Variants in FCHSD2 observed in about 807,000 individuals in gnomAD.
The protein encoded by FCHSD2 is F-BAR and double SH3 domains protein 2.
A neutral mutation model predicts 108.1 loss-of-function variants in FCHSD2; 38 were observed. That is an observed-to-expected ratio of 0.35 (90% CI 0.27 to 0.46). The LOEUF (loss-of-function observed/expected upper bound fraction) is 0.46, where lower values mean the gene tolerates loss of function less well. Among genes scored for constraint, FCHSD2 ranks in the 20% least tolerant of loss-of-function variants. FCHSD2 has a pLI of 1.00. For synonymous variants in FCHSD2, 279 were observed against 314.7 expected (o/e 0.89, Z 1.20); for missense variants, 751 against 897.8 (o/e 0.84, Z 2.09).
chr11:73,002,606 T>A (rs1857648250), intron 4 of FCHSD2, among the ~76,000 whole-genome samples: 1 of 151,990 alleles, frequency 6.6e-6, no homozygotes. Flanking sequence ...ATAAAAAAAA[T>A]GAAAAAGAAC....
chr11:73,128,211 G>C (rs930686595), intron 2 of FCHSD2, among the ~76,000 whole-genome samples: 4 of 152,040 alleles, frequency 2.6e-5, no homozygotes, highest in African/African-American at 9.7e-5. Flanking sequence ...AATTTCTATG[G>C]AGTCTCTAAT....
chr11:73,029,416 G>C (rs1858307223), intron 3 of FCHSD2, among the ~76,000 whole-genome samples: 1 of 152,208 alleles, frequency 6.6e-6, no homozygotes, highest in South Asian at 2.1e-4. Context: ...GATTTGGAGA[G>C]TAAATTACAG....
chr11:72,960,566 T>G (rs1050483911), intron 8 of FCHSD2, among the ~76,000 whole-genome samples: 9 of 152,180 alleles, frequency 5.9e-5, no homozygotes, highest in African/African-American at 2.2e-4. Flanking sequence ...TCATAATACT[T>G]CTTGGTCCAG....
chr11:72,953,517 A>T (rs1378271791), intron 8 of FCHSD2, among the ~76,000 whole-genome samples: 1 of 152,166 alleles, frequency 6.6e-6, no homozygotes, highest in East Asian at 1.9e-4. Flanking sequence ...ATCAATTTCA[A>T]CCACATGAAT....
chr11:73,083,749 A>C lies in FCHSD2; in HGVS notation c.120-9T>G, dbSNP rs1462050975. The C allele has an allele frequency of 3.3e-6, 5 of 1,514,150 alleles. No homozygotes were observed. The African/African-American group carries it at 6.9e-5, about 21-fold the overall frequency. The allele number at this position is 1,514,150 out of a possible 1,614,324, so 93.8% of individuals were successfully genotyped here. A position where few individuals can be genotyped will look rare whatever the true frequency, so the allele number is the denominator to read the frequency against. On this transcript the variant is annotated splice_polypyrimidine_tract_variant and intron_variant, in intron 2 of 19. Coordinates refer to ENST00000409418, the MANE Select transcript of FCHSD2 (RefSeq NM_014824.3). ...TCTTCTGACTGAATGTCCTAAAAAT[A>C]CAAAGAAAAATTAATTACCAGAAGG... is the stretch of plus-strand genomic sequence containing the variant.
intron 8 of FCHSD2, among the ~76,000 whole-genome samples, chr11:72,962,132 AGATCAAGG>A (rs1415192302): frequency 6.6e-6 from 1 of 152,220 alleles, no homozygotes; most frequent in East Asian, 1.9e-4. Context: ...TCTCAAGGTA[AGATCAAGG>A]GACCACTGGG....
chr11:72,974,165 A>G (rs1857062374), intron 8 of FCHSD2, among the ~76,000 whole-genome samples: 3 of 152,292 alleles, frequency 2.0e-5, no homozygotes, highest in African/African-American at 7.2e-5. Flanking sequence ...ACAGACGTTT[A>G]TTTGGTTCAT....
intron 3 of FCHSD2, among the ~76,000 whole-genome samples, chr11:73,035,223 C>T (rs529494488): frequency 1.1e-4 from 16 of 152,150 alleles, no homozygotes; most frequent in African/African-American, 3.9e-4. Flanking sequence ...GACAAGGTCT[C>T]GCTCTGTCAC....
At chr11:72,974,345 C>G (rs759579408) in intron 8 of FCHSD2, among the ~76,000 whole-genome samples, 3 of 152,208 alleles carry the variant, frequency 2.0e-5, no homozygotes, top group Non-Finnish European at 4.4e-5. Flanking sequence ...AAATAACTCA[C>G]TCTCACAACA....
intron 12 of FCHSD2, among the ~76,000 whole-genome samples, chr11:72,877,622 A>T (rs2135226012): frequency 6.6e-6 from 1 of 152,336 alleles, no homozygotes; most frequent in East Asian, 1.9e-4. Flanking sequence ...ATTATAAAGA[A>T]ATCTAAAACT....
At chr11:73,030,205 C>T (rs576716654) in intron 3 of FCHSD2, among the ~76,000 whole-genome samples, 2 of 152,244 alleles carry the variant, frequency 1.3e-5, no homozygotes, top group East Asian at 1.9e-4. Flanking sequence ...TATATGTATG[C>T]GTGTGTGGGT....
At chr11:73,138,939 C>A (rs1279225198) in intron 2 of FCHSD2, among the ~76,000 whole-genome samples, 2 of 152,096 alleles carry the variant, frequency 1.3e-5, no homozygotes, top group Admixed American at 6.6e-5. Flanking sequence ...TAAATATTTT[C>A]TTATGGCTAT....
chr11:73,015,440 T>G (rs554935696), intron 4 of FCHSD2, among the ~76,000 whole-genome samples: 3 of 152,212 alleles, frequency 2.0e-5, no homozygotes, highest in Non-Finnish European at 4.4e-5. Context: ...TCAGTGAAGA[T>G]GGCAGAACAT....
chr11:72,958,992 TATG>T (rs148717235), intron 8 of FCHSD2, among the ~76,000 whole-genome samples: 51,286 of 127,190 alleles, frequency 0.4, 9,072 homozygotes, highest in South Asian at 0.64. Context: ...ATCAGTAAGA[TATG>T]TGTGTGTGTG....
intron 3 of FCHSD2, among the ~76,000 whole-genome samples, chr11:73,052,943 T>C (rs963300906): frequency 6.6e-6 from 1 of 152,050 alleles, no homozygotes; most frequent in African/African-American, 2.4e-5. Flanking sequence ...GCCTCCTAGG[T>C]TCAGGTGATT....
At chr11:73,084,012 G>C (rs1225118688) in intron 2 of FCHSD2, among the ~76,000 whole-genome samples, 3 of 152,094 alleles carry the variant, frequency 2.0e-5, no homozygotes, top group Non-Finnish European at 4.4e-5. Context: ...TGCTAAAATG[G>C]GGATAATAAC....
chr11:73,051,603 T>G lies in FCHSD2; in HGVS notation c.165+32092A>C, dbSNP rs78400285. 4.0e-3 allele frequency among the ~76,000 whole-genome samples: 614 copies of G among 152,190 alleles called. 8 individuals are homozygous for G. In the South Asian group the frequency reaches 0.043, roughly 11 times the overall value. ...TAAAGACCAACGACTTTATACTATT[T>G]TACACAAAAGTATGACTGACAGCAA... On this transcript the variant is annotated intron_variant, in intron 3 of 19. Coordinates refer to ENST00000409418, the MANE Select transcript of FCHSD2 (RefSeq NM_014824.3).
intron 3 of FCHSD2, among the ~76,000 whole-genome samples, chr11:73,038,651 A>G (rs187390428): frequency 1.3e-5 from 2 of 152,362 alleles, no homozygotes; most frequent in Admixed American, 1.3e-4. Context: ...AACATTGAAT[A>G]CAAATGGACA....
chr11:73,062,208 A>C (rs1262546899), intron 3 of FCHSD2, among the ~76,000 whole-genome samples: 1 of 152,248 alleles, frequency 6.6e-6, no homozygotes, highest in East Asian at 1.9e-4. Context: ...GCAGACCTGC[A>C]GCAGAGGGGC....
Sources: allele counts gnomAD v4.1 joint callset (sites outside exome capture counted in the v4.1 genomes callset), GRCh38; gene constraint gnomAD v4.1.1; transcripts MANE v1.5; gene names NCBI Gene and HGNC (gene_info 2026-07-23, HGNC 2026-07-21).